ANO3: variants seen among roughly 807,000 people sequenced by gnomAD.
The protein encoded by ANO3 is anoctamin 3.
Under a neutral mutation model 144.8 loss-of-function variants are expected in ANO3, and 99 were observed. The observed-to-expected ratio is 0.68, with a 90% CI of 0.58 to 0.81. ANO3 has a LOEUF of 0.81. ANO3 is among the 30% of genes least tolerant of loss of function. The probability of loss-of-function intolerance (pLI) is 0.00; values close to 1 mark genes in which losing one functional copy is unlikely to be tolerated. For missense variants in ANO3, 905 were observed against 1,202.2 expected, an observed-to-expected ratio of 0.75 and a Z score of 3.66; for synonymous variants, 414 against 392.6, an observed-to-expected ratio of 1.05 and a Z score of -0.64.
intron 14 of ANO3, among the ~76,000 whole-genome samples, chr11:26,574,721 T>G: frequency 6.6e-6 from 1 of 152,118 alleles, no homozygotes; most frequent in Non-Finnish European, 1.5e-5. Flanking sequence ...ATGCTAATGG[T>G]TGTTTATTAT....
chr11:26,318,163 C>T (rs1002259715), intron 1 of ANO3, among the ~76,000 whole-genome samples: 4 of 152,094 alleles, frequency 2.6e-5, no homozygotes, highest in Admixed American at 1.3e-4. Context: ...ATGTAGATGA[C>T]AGGTTGATGG....
intron 1 of ANO3, among the ~76,000 whole-genome samples, chr11:26,416,674 C>G (rs148999346): frequency 6.6e-6 from 1 of 151,940 alleles, no homozygotes; most frequent in Non-Finnish European, 1.5e-5. Flanking sequence ...ATCCACCCAC[C>G]TCGGCCTCCC....
chr11:26,382,041 C>T (rs965075841), intron 1 of ANO3, among the ~76,000 whole-genome samples: 1 of 152,124 alleles, frequency 6.6e-6, no homozygotes, highest in African/African-American at 2.4e-5. Flanking sequence ...AATCTCCCTA[C>T]ATTCTAGCAA....
intron 1 of ANO3, among the ~76,000 whole-genome samples, chr11:26,345,109 T>A (rs1758907610): frequency 6.6e-6 from 1 of 152,146 alleles, no homozygotes; most frequent in African/African-American, 2.4e-5. Context: ...GTCTATAAAA[T>A]GAAATGATGT....
chr11:26,562,931 G>A (rs1850351139), intron 14 of ANO3: 1 of 765,564 alleles, frequency 1.3e-6, no homozygotes, highest in South Asian at 4.0e-5. Flanking sequence ...TTAAATTTCA[G>A]TCACAGGTCT....
rs769061695 is a variant in ANO3, at chr11:26,647,751, T to C, written c.2471T>C (p.Val824Ala). 3 of 1,613,004 alleles carry C rather than the reference T, an allele frequency of 1.9e-6. No individual in the cohort carries two copies. The highest frequency in any genetic ancestry group is 2.5e-6 in the Non-Finnish European group (3 of 1,179,312). ...CTCGAAGGAATCGGTATATTGGCTGTGATCACCAATGCATTTGTAATTGCT... is the reference window on the plus strand; with the variant it reads ...CTCGAAGGAATCGGTATATTGGCTGCGATCACCAATGCATTTGTAATTGCT... ...GILEGIGILA[V>A]ITNAFVIAIT... The change falls in exon 24 of 27, where the codon GTG becomes GCG. Residue 824 changes from valine (V) to alanine (A), a missense_variant. By Grantham distance (64) the Val-to-Ala change is moderately conservative. Around this residue, in one of 4 missense-constraint regions of ANO3, gnomAD observed 597 missense variants for 865.1 expected, o/e 0.69. Coordinates refer to ENST00000256737, the MANE Select transcript of ANO3 (RefSeq NM_031418.4).
At chr11:26,602,297 G>T (rs1390769325) in intron 17 of ANO3, among the ~76,000 whole-genome samples, 1 of 152,150 alleles carries the variant, frequency 6.6e-6, no homozygotes, top group Non-Finnish European at 1.5e-5. Flanking sequence ...GGTGTGAGTG[G>T]CATGTAAAGA....
At chr11:26,632,518 GA>G (rs200381493) in intron 18 of ANO3, among the ~76,000 whole-genome samples, 10,456 of 132,292 alleles carry the variant, frequency 0.079, 557 homozygotes, top group South Asian at 0.16. Flanking sequence ...TCCATCTCAA[GA>G]AAAAAAAAAT....
At chr11:26,593,658 G>A (rs1851519952) in intron 14 of ANO3, among the ~76,000 whole-genome samples, 1 of 152,184 alleles carries the variant, frequency 6.6e-6, no homozygotes, top group African/African-American at 2.4e-5. Flanking sequence ...GGGGAAGTGG[G>A]CCTTCCAGTG....
chr11:26,465,764 G>A (rs976652486), intron 4 of ANO3, among the ~76,000 whole-genome samples: 25 of 151,894 alleles, frequency 1.6e-4, no homozygotes, highest in African/African-American at 6.0e-4. Context: ...TAAATAGACT[G>A]TATATGTGTT....
At chr11:26,441,112 T>TG in intron 1 of ANO3, among the ~76,000 whole-genome samples, 1 of 103,904 alleles carries the variant, frequency 9.6e-6, no homozygotes, top group Non-Finnish European at 2.1e-5. Context: ...CCCAGTTTTT[T>TG]TTTTTTTTTT....
chr11:26,485,231 T>C (rs1253406364), intron 4 of ANO3, among the ~76,000 whole-genome samples: 1 of 152,132 alleles, frequency 6.6e-6, no homozygotes, highest in Non-Finnish European at 1.5e-5. Context: ...TGCGTGTGTG[T>C]CTCTGCCCAA....
At chr11:26,641,860 A>G (rs377562989) in intron 21 of ANO3, 36 bp from the exon 22 acceptor site, 3 of 1,602,566 alleles carry the variant, frequency 1.9e-6, no homozygotes, top group East Asian at 2.2e-5. Flanking sequence ...TGCTTGAATC[A>G]GAGCTCAAAA....
chr11:26,246,456 T>TTA (rs150219099), intron 1 of ANO3, among the ~76,000 whole-genome samples: 48,984 of 139,660 alleles, frequency 0.35, 8,603 homozygotes, highest in Non-Finnish European at 0.41. Flanking sequence ...AGTGTAGTCT[T>TTA]TATATATATA....
At chr11:26,319,823 T>C (rs538842099) in intron 1 of ANO3, among the ~76,000 whole-genome samples, 3 of 152,240 alleles carry the variant, frequency 2.0e-5, no homozygotes, top group Admixed American at 2.0e-4. Flanking sequence ...TAAAACACTT[T>C]ATTTTTTTAA....
chr11:26,546,192 T>C (rs1245477239), intron 11 of ANO3, among the ~76,000 whole-genome samples: 1 of 151,806 alleles, frequency 6.6e-6, no homozygotes, highest in African/African-American at 2.4e-5. Flanking sequence ...TCAATACCTA[T>C]TAATATAATA....
At chr11:26,565,934 A>G in intron 14 of ANO3, 1 of 1,490,024 alleles carries the variant, frequency 6.7e-7, no homozygotes, top group African/African-American at 1.4e-5. Context: ...TCCTTAAATA[A>G]AATACTCTGA....
Position 26,551,264 on chromosome 11 carries a change from A to G in ANO3, c.1290-1985A>G, listed in dbSNP as rs186305076. Among the ~76,000 whole-genome samples the G allele has an allele frequency of 2.6e-3, 399 of 152,102 alleles. 1 individual carries two copies. The highest frequency in any genetic ancestry group is 0.016 in the South Asian group (76 of 4,824). On this transcript the variant is annotated intron_variant, in intron 12 of 26. Coordinates refer to ENST00000256737, the MANE Select transcript of ANO3 (RefSeq NM_031418.4). The stretch of plus-strand genomic sequence containing the variant: ...GTAATGATTATTTCTTTGGAATCAC[A>G]CTTGATGTGTATATTTAGCAATAAA...
chr11:26,410,468 T>C (rs1387439832), intron 1 of ANO3, among the ~76,000 whole-genome samples: 2 of 151,950 alleles, frequency 1.3e-5, no homozygotes, highest in South Asian at 4.1e-4. Context: ...TATACTATAA[T>C]GAAATTGAAC....
Sources: gnomAD v4.1 joint callset for allele counts (sites outside exome capture counted in the v4.1 genomes callset) on GRCh38, gnomAD v4.1.1 for gene constraint, gnomAD v4.1.1 regional missense constraint, MANE v1.5 for transcripts, NCBI Gene and HGNC (gene_info 2026-07-23, HGNC 2026-07-21) for gene names.